The following HHAT variants were observed in gnomAD, a reference collection of about 807,000 sequenced individuals.
HHAT encodes protein-cysteine N-palmitoyltransferase HHAT.
Under a neutral mutation model 70.8 loss-of-function variants are expected in HHAT, and 47 were observed. That is an observed-to-expected ratio of 0.66 (90% confidence interval 0.53 to 0.85). HHAT has a LOEUF of 0.85. Ranked by LOEUF, HHAT falls within the 40% of genes least tolerant of loss-of-function variation. The pLI is 0.00. For missense variants in HHAT, 609 were observed against 604.8 expected (o/e 1.01, Z -0.07); for synonymous variants, 228 against 247.6 (o/e 0.92, Z 0.74).
intron 7 of HHAT, among the ~76,000 whole-genome samples, chr1:210,424,750 T>C (rs377662283): frequency 2.0e-5 from 3 of 152,198 alleles, no homozygotes; most frequent in Non-Finnish European, 2.9e-5. Context: ...CAGGCTATCA[T>C]TGATGGGCAT....
chr1:210,617,636 T>C (rs1668008733), intron 10 of HHAT, among the ~76,000 whole-genome samples: 1 of 152,252 alleles, frequency 6.6e-6, no homozygotes, highest in African/African-American at 2.4e-5. Flanking sequence ...TCTGAAATTC[T>C]TGCATGTACT....
In HHAT at chr1:210,372,593, C is replaced by T. The variant is rs183670127; in HGVS notation, c.159+9674C>T. On this transcript the variant is annotated intron_variant, in intron 3 of 11. Coordinates refer to ENST00000261458, the MANE Select transcript of HHAT (RefSeq NM_018194.6). ...TGAAAGCTTGTGAAGCCTCTATTGTCTGTCTTTAGGTACTCCAACAAGCAT... is the reference window on the plus strand; with the variant it reads ...TGAAAGCTTGTGAAGCCTCTATTGTTTGTCTTTAGGTACTCCAACAAGCAT... Among the ~76,000 whole-genome samples the T allele has an allele frequency of 1.9e-4, 29 of 152,300 alleles. 1 individual carries two copies. The highest frequency in any genetic ancestry group is 6.7e-4 in the African/African-American group (28 of 41,564).
At chr1:210,457,219 C>G (rs1259685270) in intron 7 of HHAT, among the ~76,000 whole-genome samples, 1 of 152,120 alleles carries the variant, frequency 6.6e-6, no homozygotes, top group Admixed American at 6.5e-5. Context: ...GCACTTCCAC[C>G]TTATGTTGAG....
intron 11 of HHAT, among the ~76,000 whole-genome samples, chr1:210,649,856 A>G (rs946589185): frequency 2.6e-5 from 4 of 152,224 alleles, no homozygotes. Context: ...ATAAAACCAC[A>G]AGGCACTTAT....
chr1:210,664,805 T>C (rs1469782714), intron 11 of HHAT, among the ~76,000 whole-genome samples: 1 of 152,178 alleles, frequency 6.6e-6, no homozygotes, highest in Non-Finnish European at 1.5e-5. Flanking sequence ...GCCAGGACCA[T>C]GGCTTTTACT....
intron 10 of HHAT, among the ~76,000 whole-genome samples, chr1:210,596,520 C>G (rs1348712612): frequency 4.6e-5 from 7 of 151,948 alleles, no homozygotes; most frequent in Non-Finnish European, 8.8e-5. Context: ...CTCTTATATT[C>G]TGTCTCTTCT....
chr1:210,460,416 A>G (rs916769239), intron 7 of HHAT, among the ~76,000 whole-genome samples: 1 of 152,220 alleles, frequency 6.6e-6, no homozygotes, highest in African/African-American at 2.4e-5. Flanking sequence ...CCACTGATGC[A>G]TTCCAAGCAC....
chr1:210,544,460 C>T (rs144002011), intron 9 of HHAT, among the ~76,000 whole-genome samples: 321 of 149,844 alleles, frequency 2.1e-3, no homozygotes, highest in African/African-American at 6.9e-3. Context: ...GCAACCTCTG[C>T]CTCCCGGGTT....
At chr1:210,623,797 T>A in intron 11 of HHAT, 127 bp downstream of exon 11, 1 of 990,614 alleles carries the variant, frequency 1.0e-6, no homozygotes, top group Non-Finnish European at 1.5e-6. Flanking sequence ...ATGTGACCTC[T>A]AAAGTACCAG....
intron 9 of HHAT, among the ~76,000 whole-genome samples, chr1:210,544,792 A>G (rs1191870853): frequency 1.3e-5 from 2 of 152,036 alleles, no homozygotes; most frequent in Non-Finnish European, 2.9e-5. Context: ...ATCTTTCCTC[A>G]ATATCTTATC....
chr1:210,432,968 CCTCTCGATGGCAGGG>C (rs2093287566), intron 7 of HHAT, among the ~76,000 whole-genome samples: 2 of 151,856 alleles, frequency 1.3e-5, no homozygotes, highest in South Asian at 4.1e-4. Flanking sequence ...TCACTTTTAA[CCTCTCGATGGCAGGG>C]CTCTCATTCC....
At chr1:210,637,478 A>G (rs1368519586) in intron 11 of HHAT, among the ~76,000 whole-genome samples, 4 of 152,204 alleles carry the variant, frequency 2.6e-5, no homozygotes, top group Non-Finnish European at 5.9e-5. Flanking sequence ...AAATACATCC[A>G]GAATATGAGA....
intron 3 of HHAT, among the ~76,000 whole-genome samples, chr1:210,379,575 CCTT>C (rs1050308264): frequency 6.6e-6 from 1 of 152,152 alleles, no homozygotes; most frequent in Non-Finnish European, 1.5e-5. Flanking sequence ...TTTCTTCTTT[CCTT>C]CTTTTGGACT....
intron 7 of HHAT, among the ~76,000 whole-genome samples, chr1:210,460,207 C>T (rs1455007053): frequency 6.6e-6 from 1 of 152,140 alleles, no homozygotes; most frequent in Non-Finnish European, 1.5e-5. Context: ...ATCTATTGGT[C>T]CTAGGACCTG....
intron 9 of HHAT, among the ~76,000 whole-genome samples, chr1:210,528,364 A>G (rs2095275104): frequency 6.6e-6 from 1 of 152,216 alleles, no homozygotes; most frequent in Non-Finnish European, 1.5e-5. Context: ...CCGGGCGCTA[A>G]GAGTGATGGG....
intron 11 of HHAT, among the ~76,000 whole-genome samples, chr1:210,640,827 G>A (rs1279743330): frequency 2.0e-5 from 3 of 152,158 alleles, no homozygotes; most frequent in Non-Finnish European, 4.4e-5. Flanking sequence ...AGGTGGACAC[G>A]ATTATGGTTT....
intron 3 of HHAT, among the ~76,000 whole-genome samples, chr1:210,381,278 AT>A (rs995044472): frequency 5.9e-5 from 9 of 151,884 alleles, no homozygotes; most frequent in Non-Finnish European, 1.2e-4. Flanking sequence ...ATTTAAAAAA[AT>A]TTTTTACTTT....
At chr1:210,615,022 C>G (rs571246165) in intron 10 of HHAT, among the ~76,000 whole-genome samples, 2 of 152,260 alleles carry the variant, frequency 1.3e-5, no homozygotes, top group East Asian at 3.9e-4. Flanking sequence ...GTTTAGAGTC[C>G]CACCAACAGT....
intron 11 of HHAT, among the ~76,000 whole-genome samples, chr1:210,638,514 G>T (rs1390043624): frequency 6.6e-6 from 1 of 152,132 alleles, no homozygotes; most frequent in Non-Finnish European, 1.5e-5. Context: ...TCTGGAACTG[G>T]GAGGGATAGG....
Sources: allele counts gnomAD v4.1 joint callset (sites outside exome capture counted in the v4.1 genomes callset), GRCh38; gene constraint gnomAD v4.1.1; transcripts MANE v1.5; gene names NCBI Gene and HGNC (gene_info 2026-07-23, HGNC 2026-07-21).